PCDH9: variants seen among roughly 807,000 people sequenced by gnomAD.
PCDH9 encodes the protein protocadherin 9.
PCDH9 carries 24 observed loss-of-function variants against 70.6 expected under a neutral mutation model. The observed-to-expected ratio is 0.34, with a 90% confidence interval of 0.25 to 0.48. The LOEUF is 0.48. Ranked by LOEUF, PCDH9 falls within the 20% of genes least tolerant of loss-of-function variation. The pLI, the probability that PCDH9 is intolerant of heterozygous loss-of-function variation, is 0.99. For missense variants in PCDH9, 1,281 were observed against 1,503.6 expected (o/e 0.85, Z 2.45); for synonymous variants, 562 against 558.5 (o/e 1.01, Z -0.09).
At chr13:66,975,063 TGGG>T (rs2139755678) in intron 2 of PCDH9, among the ~76,000 whole-genome samples, 1 of 152,146 alleles carries the variant, frequency 6.6e-6, no homozygotes, top group East Asian at 1.9e-4. Context: ...AAGAAAATTG[TGGG>T]TTTAAAGCTT....
intron 3 of PCDH9, among the ~76,000 whole-genome samples, chr13:66,722,047 T>C (rs1842036292): frequency 6.6e-6 from 1 of 152,174 alleles, no homozygotes; most frequent in African/African-American, 2.4e-5. Context: ...ATTATCTAAA[T>C]ATACTTTCTG....
intron 3 of PCDH9, among the ~76,000 whole-genome samples, chr13:66,895,099 C>T (rs941007522): frequency 6.6e-6 from 1 of 152,084 alleles, no homozygotes; most frequent in Non-Finnish European, 1.5e-5. Flanking sequence ...TGAGCCACCA[C>T]GCCCGGCCAA....
intron 3 of PCDH9, among the ~76,000 whole-genome samples, chr13:66,687,842 C>G (rs755189783): frequency 6.6e-6 from 1 of 152,186 alleles, no homozygotes; most frequent in Admixed American, 6.5e-5. Flanking sequence ...GTAAGATTAC[C>G]CTCTTCAAGA....
At chr13:66,514,964 T>C (rs1440829030) in intron 4 of PCDH9, among the ~76,000 whole-genome samples, 4 of 152,108 alleles carry the variant, frequency 2.6e-5, no homozygotes, top group Non-Finnish European at 5.9e-5. Flanking sequence ...ATTTCCATTC[T>C]GTTTTGTAAG....
At chr13:67,081,309 C>T (rs2085978204) in intron 2 of PCDH9, among the ~76,000 whole-genome samples, 2 of 152,192 alleles carry the variant, frequency 1.3e-5, no homozygotes, top group South Asian at 4.1e-4. Context: ...TGGCTCACAC[C>T]TGTAATCCCA....
At chr13:66,565,152 G>T (rs1162455481) in intron 4 of PCDH9, among the ~76,000 whole-genome samples, 1 of 152,012 alleles carries the variant, frequency 6.6e-6, no homozygotes, top group Admixed American at 6.5e-5. Flanking sequence ...TATTACTAAC[G>T]CTTAGGTACT....
chr13:66,631,701 A>C (rs1406030592), intron 3 of PCDH9, among the ~76,000 whole-genome samples: 3 of 152,228 alleles, frequency 2.0e-5, no homozygotes, highest in Admixed American at 2.0e-4. Flanking sequence ...AACAAAACTT[A>C]TACTGTCGAC....
intron 3 of PCDH9, among the ~76,000 whole-genome samples, chr13:66,740,197 C>T (rs539778152): frequency 2.1e-5 from 3 of 142,746 alleles, no homozygotes; most frequent in Non-Finnish European, 1.5e-5. Context: ...CACTCAAAGC[C>T]GCTCAACTAC....
intron 2 of PCDH9, among the ~76,000 whole-genome samples, chr13:67,042,412 C>T (rs553814023): frequency 5.3e-5 from 8 of 151,846 alleles, no homozygotes; most frequent in Non-Finnish European, 4.4e-5. Flanking sequence ...GAGCAAAGGG[C>T]GAAGAGCCCC....
rs557569176 is a variant in PCDH9 at position 66,561,630 on chromosome 13, CCA to C, written c.3340+69578_3340+69579del. Among the ~76,000 whole-genome samples the C allele has an allele frequency of 1.8e-4, 27 of 152,268 alleles. No individual in the cohort carries two copies. The East Asian group carries it at 5.0e-3, about 28-fold the overall frequency. On this transcript the variant is annotated intron_variant, in intron 4 of 4. Transcript: ENST00000377865. ...GGTCAGGGTTTGTGAATGCACCAAT[CCA>C]CACTCTGTATCTAGCTACTCTGGTG...
intron 3 of PCDH9, among the ~76,000 whole-genome samples, chr13:66,652,520 G>A (rs959981373): frequency 1.3e-5 from 2 of 151,824 alleles, no homozygotes; most frequent in Admixed American, 6.6e-5. Context: ...TTCATGAATT[G>A]GAAGAATCAA....
chr13:66,886,637 G>T (rs554821027), intron 3 of PCDH9, among the ~76,000 whole-genome samples: 2 of 152,138 alleles, frequency 1.3e-5, no homozygotes, highest in South Asian at 4.2e-4. Flanking sequence ...TCATTTGCAG[G>T]GGTGAACTTG....
chr13:66,635,633 A>G (rs1372742432), intron 3 of PCDH9, among the ~76,000 whole-genome samples: 2 of 152,130 alleles, frequency 1.3e-5, no homozygotes, highest in African/African-American at 2.4e-5. Context: ...GAAGATGTAC[A>G]TGTCCTGCAC....
At chr13:66,850,426 G>C (rs1000487292) in intron 3 of PCDH9, among the ~76,000 whole-genome samples, 1 of 152,030 alleles carries the variant, frequency 6.6e-6, no homozygotes, top group Non-Finnish European at 1.5e-5. Flanking sequence ...GGCTGAGGCA[G>C]GAGGAACCTA....
intron 2 of PCDH9, among the ~76,000 whole-genome samples, chr13:67,048,574 A>T (rs1177013602): frequency 6.6e-6 from 1 of 152,228 alleles, no homozygotes; most frequent in Non-Finnish European, 1.5e-5. Flanking sequence ...GCCAAAAGAA[A>T]GAAATCAGAC....
intron 3 of PCDH9, among the ~76,000 whole-genome samples, chr13:66,680,697 G>A (rs1052663571): frequency 1.3e-5 from 2 of 151,696 alleles, no homozygotes; most frequent in Non-Finnish European, 2.9e-5. Flanking sequence ...GAACCCAGGG[G>A]CCACAACCAA....
chr13:66,690,319 T>A lies in PCDH9; in HGVS notation c.3139-58908A>T, dbSNP rs184615523. Among the ~76,000 whole-genome samples the A allele has an allele frequency of 4.5e-4, 68 of 152,316 alleles. 1 individual carries two copies. Among genetic ancestry groups the A allele is most frequent in the African/African-American group, 1.5e-3 (61 of 41,584 alleles). Reference sequence around the variant, plus strand: ...TGATATAGGCAAATATAGAATTGTCTAATTTTAAAGTTAGAAAAAAACTTC... The same window carrying A: ...TGATATAGGCAAATATAGAATTGTCAAATTTTAAAGTTAGAAAAAAACTTC... On this transcript the variant is annotated intron_variant, in intron 3 of 4. Transcript: ENST00000377865.
chr13:66,870,119 C>A (rs1021733943), intron 3 of PCDH9, among the ~76,000 whole-genome samples: 3 of 152,204 alleles, frequency 2.0e-5, no homozygotes, highest in Admixed American at 2.0e-4. Context: ...AGGAAGGGAT[C>A]CAGTTTCAGC....
intron 4 of PCDH9, among the ~76,000 whole-genome samples, chr13:66,598,072 C>T (rs547725778): frequency 6.6e-6 from 1 of 151,640 alleles, no homozygotes; most frequent in African/African-American, 2.4e-5. Context: ...AAAAGAAATC[C>T]CCTGAAAATA....
Sources: allele counts gnomAD v4.1 joint callset (sites outside exome capture counted in the v4.1 genomes callset), GRCh38; gene constraint gnomAD v4.1.1; transcripts MANE v1.5; gene names NCBI Gene and HGNC (gene_info 2026-07-23, HGNC 2026-07-21).